The following HTR3A variants were observed in gnomAD, a reference collection of about 807,000 sequenced individuals.
The protein encoded by HTR3A is 5-hydroxytryptamine receptor 3A.
HTR3A carries 45 observed loss-of-function variants against 54.8 expected under a neutral mutation model. The ratio of observed to expected loss-of-function variants is 0.82; its 90% CI spans 0.65 to 1.05. HTR3A has a LOEUF of 1.05. Among genes scored for constraint, HTR3A ranks in the 50% least tolerant of loss-of-function variants. The pLI, the probability that HTR3A is intolerant of heterozygous loss-of-function variation, is 0.00. For synonymous variants in HTR3A, 297 were observed against 256.0 expected, an observed-to-expected ratio of 1.16 and a Z score of -1.53; for missense variants, 657 against 614.0, an observed-to-expected ratio of 1.07 and a Z score of -0.74.
intron 5 of HTR3A, among the ~76,000 whole-genome samples, chr11:113,984,302 T>G (rs1359104168): frequency 6.6e-6 from 1 of 152,164 alleles, no homozygotes; most frequent in African/African-American, 2.4e-5. Flanking sequence ...TTATTCAATG[T>G]GTCCTTCTCT....
intron 8 of HTR3A, among the ~76,000 whole-genome samples, chr11:113,988,813 C>T (rs553085939): frequency 6.6e-6 from 1 of 152,236 alleles, no homozygotes; most frequent in Admixed American, 6.5e-5. Context: ...ATAGTAATCA[C>T]GCCTACTCTG....
At chr11:113,987,095 G>T (rs1432265941) in intron 8 of HTR3A, 49 bp downstream of exon 8, 1 of 1,587,884 alleles carries the variant, frequency 6.3e-7, no homozygotes, top group East Asian at 2.2e-5. Flanking sequence ...CTTCTGGCTT[G>T]GATGTTGTGG....
chr11:113,981,012 G>A (rs1950415516), intron 3 of HTR3A, 191 bp from the exon 4 acceptor site: 1 of 608,090 alleles, frequency 1.6e-6, no homozygotes, highest in East Asian at 2.9e-5. Flanking sequence ...ATGTGTGGAG[G>A]CAGAGTGTGA....
At chr11:113,982,081 C>G (rs1250031116) in intron 4 of HTR3A, among the ~76,000 whole-genome samples, 1 of 152,150 alleles carries the variant, frequency 6.6e-6, no homozygotes, top group African/African-American at 2.4e-5. Flanking sequence ...CCTGACAGGC[C>G]ACAGATTGTT....
chr11:113,981,003 T>C lies in HTR3A; in HGVS notation c.265-200T>C, dbSNP rs972378352. 9 of 586,518 alleles carry C rather than the reference T, an allele frequency of 1.5e-5. No homozygotes were observed. The African/African-American group carries it at 1.7e-4, about 11-fold the overall frequency. 36.3% of individuals were successfully genotyped at this position (586,518 alleles called of 1,614,324 possible). A position where few individuals can be genotyped will look rare whatever the true frequency, so the allele number is the denominator to read the frequency against. ...AAGGCTACATCTAGCCGAGTTGTTATGTGTGGAGGCAGAGTGTGAATGAAG... is the reference window on the plus strand; with the variant it reads ...AAGGCTACATCTAGCCGAGTTGTTACGTGTGGAGGCAGAGTGTGAATGAAG... On this transcript the variant is annotated intron_variant, in intron 3 of 8. Transcript: ENST00000504030.
intron 8 of HTR3A, among the ~76,000 whole-genome samples, chr11:113,987,554 G>T (rs906543721): frequency 8.3e-5 from 12 of 144,450 alleles, no homozygotes; most frequent in Non-Finnish European, 1.2e-4. Context: ...CCAACATAGT[G>T]AGACCTCATC....
At position 113,986,724 on chromosome 11, in the gene HTR3A, C is replaced by T; in HGVS notation, c.912C>T (p.Leu304=). ...CGGCCACTGCCATCGGCACTCCTCT[C>T]ATTGGTAAGGCCCCTCCTGGCAGCA... is the stretch of plus-strand genomic sequence containing the variant. ...TLPATAIGTP[L]IGVYFVVCMA... Residue 304 remains leucine, a synonymous_variant, in exon 7 of 9, where the codon CTC becomes CTT. Coordinates refer to ENST00000504030, the MANE Select transcript of HTR3A (RefSeq NM_000869.6). The T allele has an allele frequency of 6.2e-7, 1 of 1,614,202 alleles. No individual in the cohort carries two copies. The highest frequency in any genetic ancestry group is 8.5e-7 in the Non-Finnish European group (1 of 1,180,022).
intron 1 of HTR3A, among the ~76,000 whole-genome samples, chr11:113,975,756 A>G (rs892948928): frequency 3.3e-5 from 5 of 152,254 alleles, no homozygotes; most frequent in Non-Finnish European, 4.4e-5. Context: ...CATTGGGTCC[A>G]CCCTTGCCTG....
At chr11:113,979,846 C>A (rs1950400065) in intron 3 of HTR3A, among the ~76,000 whole-genome samples, 1 of 152,034 alleles carries the variant, frequency 6.6e-6, no homozygotes, top group Non-Finnish European at 1.5e-5. Context: ...CTGGAAGCCC[C>A]TGGGGTTGTT....
At position 113,986,570 on chromosome 11, in the gene HTR3A, G is replaced by A. The variant is rs4938063; in HGVS notation, c.758G>A (p.Ser253Asn). 2 of 1,613,198 alleles carry A rather than the reference G, an allele frequency of 1.2e-6. No homozygotes were observed. The highest frequency in any genetic ancestry group is 1.1e-5 in the South Asian group (1 of 91,078). Residue 253 changes from serine to asparagine, a missense_variant, in exon 7 of 9, where the codon AGC becomes AAC. Coordinates refer to ENST00000504030, the MANE Select transcript of HTR3A (RefSeq NM_000869.6). ...TATGTGGTCAGCCTGCTACTGCCCAGCATCTTCCTCATGGTCATGGACATC... is the reference window on the plus strand; with the variant it reads ...TATGTGGTCAGCCTGCTACTGCCCAACATCTTCCTCATGGTCATGGACATC... ...LFYVVSLLLP[S>N]IFLMVMDIVG...
At chr11:113,981,125 T>TGA (rs1293488358) in intron 3 of HTR3A, 78 bp from the exon 4 acceptor site, 27 of 878,850 alleles carry the variant, frequency 3.1e-5, no homozygotes, top group Middle Eastern at 3.2e-4. Context: ...GCACTGAGGG[T>TGA]GAAGTCTGCC....
chr11:113,985,863 G>A (rs1304148180), intron 5 of HTR3A, 152 bp from the exon 6 acceptor site: 2 of 816,158 alleles, frequency 2.5e-6, no homozygotes, highest in African/African-American at 1.7e-5. Context: ...TATAGCTGAG[G>A]ACACTGAGGC....
intron 4 of HTR3A, among the ~76,000 whole-genome samples, chr11:113,982,250 C>T (rs534614667): frequency 1.6e-4 from 24 of 152,226 alleles, no homozygotes; most frequent in South Asian, 1.0e-3. Flanking sequence ...GCTGGGGAGA[C>T]GGAGGAAAAG....
At chr11:113,977,722 G>A (rs376732355) in intron 1 of HTR3A, 49 bp from the exon 2 acceptor site, 55 of 1,602,560 alleles carry the variant, frequency 3.4e-5, no homozygotes, top group East Asian at 2.0e-4. Flanking sequence ...AGAGAACCGG[G>A]GGAAGTCTTG....
In HTR3A at chr11:113,975,186, C is replaced by A; in HGVS notation, c.-140C>A. ...CCTTGGTGGCCCAGGGAGTGTGAGG[C>A]TGCAGCCTCAGAAGGTGTGAGCAGT... On this transcript the variant is annotated 5_prime_UTR_variant, in exon 1 of 9. It adds an upstream start codon to the 5' untranslated region. Transcript: ENST00000504030. The A allele has an allele frequency of 1.3e-6, 1 of 786,978 alleles. No individual in the cohort carries two copies. The highest frequency in any genetic ancestry group is 2.2e-6 in the Non-Finnish European group (1 of 460,582). 48.7% of individuals were successfully genotyped at this position (786,978 alleles called of 1,614,324 possible). A position where few individuals can be genotyped will look rare whatever the true frequency, so the allele number is the denominator to read the frequency against.
At chr11:113,976,820 TTGCTGCCCGTA>T (rs1950357333) in intron 1 of HTR3A, among the ~76,000 whole-genome samples, 1 of 150,902 alleles carries the variant, frequency 6.6e-6, no homozygotes, top group African/African-American at 2.4e-5. Flanking sequence ...CATCTCCCCT[TTGCTGCCCGTA>T]TGCTGGCCCT....
Position 113,975,172 on chromosome 11 carries a change from C to T in HTR3A, c.-154C>T. 1 of 737,484 alleles carries T rather than the reference C, an allele frequency of 1.4e-6. No individual in the cohort carries two copies. The highest frequency in any genetic ancestry group is 2.4e-6 in the Non-Finnish European group (1 of 416,918). The allele number at this position is 737,484 out of a possible 1,614,324, so 45.7% of individuals were successfully genotyped here. The stretch of plus-strand genomic sequence containing the variant: ...TGGCAGCTCCCCAACCTTGGTGGCC[C>T]AGGGAGTGTGAGGCTGCAGCCTCAG... On this transcript the variant is annotated 5_prime_UTR_variant, in exon 1 of 9. Transcript: ENST00000504030.
At position 113,975,296 on chromosome 11, in the gene HTR3A, G is replaced by A. The variant is rs765654994; in HGVS notation, c.-30G>A. ...TTGGTGGGCCTCGTCCTGAGCACTC[G>A]GAGGCACTCCTATGCTTGGAAAGCT... On this transcript the variant is annotated 5_prime_UTR_variant, in exon 1 of 9. Coordinates refer to ENST00000504030, the MANE Select transcript of HTR3A (RefSeq NM_000869.6). 20 of 1,612,306 alleles carry A rather than the reference G, an allele frequency of 1.2e-5. No homozygotes were observed. The highest frequency in any genetic ancestry group is 6.7e-5 in the East Asian group (3 of 44,888).
At chr11:113,987,166 C>A in intron 8 of HTR3A, 120 bp downstream of exon 8, 1 of 1,052,684 alleles carries the variant, frequency 9.5e-7, no homozygotes. Context: ...CATCCCATGC[C>A]CTGCCTTACT....
Sources: gnomAD v4.1 joint callset for allele counts (sites outside exome capture counted in the v4.1 genomes callset) on GRCh38, gnomAD v4.1.1 for gene constraint, MANE v1.5 for transcripts, NCBI Gene and HGNC (gene_info 2026-07-23, HGNC 2026-07-21) for gene names.